Variants in WWOX observed in about 807,000 individuals in gnomAD.
WWOX encodes the protein WW domain-containing oxidoreductase.
A neutral mutation model predicts 46.2 loss-of-function variants in WWOX; 69 were observed. The observed-to-expected ratio is 1.49, with a 90% CI of 1.23 to 1.82. The LOEUF is 1.82. WWOX is among the 40% of genes most tolerant of loss of function. The pLI is 0.00. For missense variants in WWOX, 919 were observed against 542.6 expected (o/e 1.69, Z -6.89); for synonymous variants, 359 against 202.6 (o/e 1.77, Z -6.56).
intron 8 of WWOX, among the ~76,000 whole-genome samples, chr16:79,158,731 C>G (rs2050429614): frequency 6.6e-6 from 1 of 152,202 alleles, no homozygotes; most frequent in African/African-American, 2.4e-5. Flanking sequence ...CCTTTACAGA[C>G]AGATTTTTCT....
chr16:78,463,648 A>T (rs1378282710), intron 8 of WWOX, among the ~76,000 whole-genome samples: 5 of 152,140 alleles, frequency 3.3e-5, no homozygotes, highest in Non-Finnish European at 4.4e-5. Flanking sequence ...GTTCTCAATA[A>T]ATCTTTTTTG....
chr16:79,121,959 G>A (rs915525604), intron 8 of WWOX, among the ~76,000 whole-genome samples: 1 of 151,978 alleles, frequency 6.6e-6, no homozygotes, highest in Non-Finnish European at 1.5e-5. Context: ...CCCTACTTAC[G>A]TGCTACGGAT....
At chr16:78,451,219 C>T (rs1454544392) in intron 8 of WWOX, among the ~76,000 whole-genome samples, 1 of 152,118 alleles carries the variant, frequency 6.6e-6, no homozygotes, top group Non-Finnish European at 1.5e-5. Context: ...GTCCTCCTGA[C>T]CAGGGATGGG....
At chr16:78,215,242 G>T (rs1056971981) in intron 5 of WWOX, among the ~76,000 whole-genome samples, 1 of 152,192 alleles carries the variant, frequency 6.6e-6, no homozygotes, top group African/African-American at 2.4e-5. Flanking sequence ...TTTATGCACA[G>T]TGTTTCCTCT....
intron 8 of WWOX, among the ~76,000 whole-genome samples, chr16:79,067,569 C>G (rs1182072612): frequency 2.2e-5 from 3 of 135,954 alleles, no homozygotes; most frequent in East Asian, 2.1e-4. Flanking sequence ...TGGAATAGTA[C>G]TAATACTTCA....
At chr16:78,944,898 G>T (rs2045920273) in intron 8 of WWOX, among the ~76,000 whole-genome samples, 1 of 152,100 alleles carries the variant, frequency 6.6e-6, no homozygotes, top group Non-Finnish European at 1.5e-5. Flanking sequence ...TTTCCTAAAG[G>T]CCAGGCACAG....
At chr16:78,511,060 G>A (rs11643490) in intron 8 of WWOX, among the ~76,000 whole-genome samples, 98,574 of 152,206 alleles carry the variant, frequency 0.65, 33,543 homozygotes, top group East Asian at 0.78. Flanking sequence ...CATACTGCGT[G>A]TTTATAGTCC....
At chr16:79,101,824 T>C (rs928652547) in intron 8 of WWOX, 4 of 150,808 alleles carry the variant, frequency 2.7e-5, no homozygotes, top group East Asian at 3.9e-4. Flanking sequence ...AGGAGGTACA[T>C]AAGAGAAACG....
At position 78,972,908 on chromosome 16, in the gene WWOX, C is replaced by G. The variant is rs143084869; in HGVS notation, c.1057-238700C>G. 1.3e-3 allele frequency among the ~76,000 whole-genome samples: 195 copies of G among 152,302 alleles called. 5 individuals carry two copies. In the East Asian group the frequency reaches 0.031, roughly 24 times the overall value. ...AGGGCTGCCTGTCATTTTATTAGCG[C>G]TGGAGCCTCCCGACCGAAGGGCTGA... On this transcript the variant is annotated intron_variant, in intron 8 of 8. Transcript: ENST00000566780.
At chr16:78,242,824 A>G (rs1452447116) in intron 5 of WWOX, among the ~76,000 whole-genome samples, 1 of 152,158 alleles carries the variant, frequency 6.6e-6, no homozygotes, top group African/African-American at 2.4e-5. Context: ...CCTGGCCAAC[A>G]TGGTGAAACC....
At chr16:78,959,767 C>T (rs372016072) in intron 8 of WWOX, among the ~76,000 whole-genome samples, 40 of 152,216 alleles carry the variant, frequency 2.6e-4, no homozygotes, top group African/African-American at 7.5e-4. Flanking sequence ...TTGATGAATC[C>T]GAGACAAGTG....
At chr16:79,016,547 T>G (rs944121411) in intron 8 of WWOX, 3 of 152,310 alleles carry the variant, frequency 2.0e-5, no homozygotes, top group Admixed American at 6.5e-5. Flanking sequence ...CTCAGACTCC[T>G]GAGTAGCTGG....
chr16:79,150,082 G>T (rs989955168), intron 8 of WWOX, among the ~76,000 whole-genome samples: 4 of 152,320 alleles, frequency 2.6e-5, no homozygotes, highest in Middle Eastern at 3.4e-3. Flanking sequence ...TAAGGCAGTT[G>T]AGAAGACTCA....
chr16:78,354,850 ACAGC>A (rs1415021094), intron 5 of WWOX, among the ~76,000 whole-genome samples: 1 of 152,172 alleles, frequency 6.6e-6, no homozygotes, highest in Non-Finnish European at 1.5e-5. Flanking sequence ...AACAGAGATG[ACAGC>A]CAGGGGTGGT....
chr16:78,157,236 G>A (rs1211517491), intron 4 of WWOX, among the ~76,000 whole-genome samples: 1 of 152,180 alleles, frequency 6.6e-6, no homozygotes, highest in Non-Finnish European at 1.5e-5. Context: ...TGGTCACTGT[G>A]TTGCTTGCAT....
chr16:78,389,246 C>G (rs1456989951), intron 6 of WWOX, among the ~76,000 whole-genome samples: 1 of 152,202 alleles, frequency 6.6e-6, no homozygotes, highest in African/African-American at 2.4e-5. Context: ...CACTAGCATT[C>G]AAGACATTTG....
rs2036914109 is a variant in WWOX, at chr16:78,222,328, G to C, written c.516+58039G>C. Among the ~76,000 whole-genome samples, 3 of 139,528 alleles carry C rather than the reference G, an allele frequency of 2.2e-5. No homozygotes were observed. The South Asian group carries it at 7.2e-4, about 33-fold the overall frequency. 91.5% of individuals were successfully genotyped at this position (139,528 alleles called of 152,430 possible). A position where few individuals can be genotyped will look rare whatever the true frequency, so the allele number is the denominator to read the frequency against. ...CCTCATTAGGGGTGAGAGTTTGGCT[G>C]TGACACGACTTAATAGAAAAAAAAA... On this transcript the variant is annotated intron_variant, in intron 5 of 8. Transcript: ENST00000566780.
chr16:78,602,011 G>A (rs969670768), intron 8 of WWOX, among the ~76,000 whole-genome samples: 6 of 152,140 alleles, frequency 3.9e-5, no homozygotes, highest in South Asian at 2.1e-4. Flanking sequence ...CAATGGTTTC[G>A]TATTAGGGAT....
At chr16:78,594,446 GC>G (rs2045433464) in intron 8 of WWOX, among the ~76,000 whole-genome samples, 1 of 34,998 alleles carries the variant, frequency 2.9e-5, no homozygotes, top group Non-Finnish European at 4.5e-5. Context: ...CCCCCCCCCC[GC>G]CAAATTGTCC....
Sources: allele counts gnomAD v4.1 joint callset (sites outside exome capture counted in the v4.1 genomes callset), GRCh38; gene constraint gnomAD v4.1.1; transcripts MANE v1.5; gene names NCBI Gene and HGNC (gene_info 2026-07-23, HGNC 2026-07-21).